Variants in BCOR observed in about 807,000 individuals in gnomAD.
BCOR encodes the protein BCL6 corepressor, also known as BCL-6 corepressor.
BCOR carries 10 observed loss-of-function variants against 86.7 expected under a neutral mutation model. That is an observed-to-expected ratio of 0.12 (90% CI 0.07 to 0.20). The LOEUF (loss-of-function observed/expected upper bound fraction) is 0.20, where lower values mean the gene tolerates loss of function less well. BCOR is among the 10% of genes least tolerant of loss of function. The probability of loss-of-function intolerance (pLI) is 1.00; values close to 1 mark genes in which losing one functional copy is unlikely to be tolerated. For synonymous variants in BCOR, 611 were observed against 609.0 expected, an observed-to-expected ratio of 1.00 and a Z score of -0.05; for missense variants, 1,259 against 1,452.1, an observed-to-expected ratio of 0.87 and a Z score of 2.16.
At chrX:40,174,709 TG>T (rs1375435875) in intron 1 of BCOR, among the ~76,000 whole-genome samples, 2 of 112,380 alleles carry the variant, frequency 1.8e-5, no homozygotes, top group African/African-American at 6.5e-5. Context: ...TCCTGGAAGG[TG>T]GAACGCAAAG....
intron 1 of BCOR, among the ~76,000 whole-genome samples, chrX:40,170,303 C>T (rs1033640018): frequency 2.7e-5 from 3 of 110,899 alleles, no homozygotes; most frequent in Non-Finnish European, 5.7e-5. Flanking sequence ...GGGGATATAG[C>T]CAGGAAGCTA....
At chrX:40,117,261 C>T (rs776099588) in intron 1 of BCOR, among the ~76,000 whole-genome samples, 87 of 111,575 alleles carry the variant, frequency 7.8e-4, no homozygotes, top group African/African-American at 2.5e-3. Flanking sequence ...CTGAAAGCGT[C>T]CCAGGTGTCA....
At chrX:40,110,340 G>A (rs1292310702) in intron 1 of BCOR, among the ~76,000 whole-genome samples, 1 of 111,438 alleles carries the variant, frequency 9.0e-6, no homozygotes, top group Admixed American at 9.5e-5. Flanking sequence ...AGACATTTGA[G>A]TGTCTTTGAT....
At chrX:40,159,090 G>A (rs1938360326) in intron 1 of BCOR, among the ~76,000 whole-genome samples, 1 of 109,859 alleles carries the variant, frequency 9.1e-6, no homozygotes, top group Non-Finnish European at 1.9e-5. Context: ...GGGGGGAGGG[G>A]AGGGTAAAGA....
chrX:40,065,295 G>A (rs1044055632), intron 6 of BCOR, among the ~76,000 whole-genome samples: 4 of 112,498 alleles, frequency 3.6e-5, no homozygotes, highest in Non-Finnish European at 5.6e-5. Flanking sequence ...ACACATACAC[G>A]AGTTCAGAGA....
intron 1 of BCOR, among the ~76,000 whole-genome samples, chrX:40,156,152 G>A (rs901548914): frequency 2.7e-5 from 3 of 112,737 alleles, no homozygotes; most frequent in Non-Finnish European, 5.6e-5. Flanking sequence ...ATTTAATATC[G>A]TGAAATTGAT....
intron 1 of BCOR, among the ~76,000 whole-genome samples, chrX:40,169,949 C>G (rs1301539708): frequency 2.7e-5 from 3 of 112,173 alleles, no homozygotes; most frequent in Non-Finnish European, 5.7e-5. Context: ...GGCCCCTACT[C>G]GCTATCTGCG....
rs755789625 is a variant in BCOR at position 40,074,232 on chromosome X, G to C, written c.1114C>G (p.Leu372Val). The change falls in exon 4 of 15, where the codon CTG becomes GTG. Residue 372 changes from leucine (L) to valine (V), a missense_variant. By Grantham distance (32) the Leu-to-Val change is conservative. Transcript: ENST00000378444. ...ARISTSPSVA[L>V]SKPYMTVSSE... ...CTAACTGTCATGTATGGCTTTGACA[G>C]GGCAACTGAAGGAGAGGTGGAGATC... The C allele has an allele frequency of 8.2e-7, 1 of 1,212,272 alleles. No individual in the cohort carries two copies. The highest frequency in any genetic ancestry group is 1.1e-6 in the Non-Finnish European group (1 of 895,602).
intron 2 of BCOR, chrX:40,076,967 C>A: frequency 3.2e-6 from 1 of 314,977 alleles, no homozygotes; most frequent in Admixed American, 3.6e-5. Context: ...TGTCATCAAC[C>A]ACTTCCGTGT....
intron 1 of BCOR, among the ~76,000 whole-genome samples, chrX:40,158,161 CCAGGTAGGGCTCCGGGCAGGGGGCCTGT>C (rs770019422): frequency 5.7e-4 from 64 of 112,469 alleles, no homozygotes; most frequent in African/African-American, 2.0e-3. Flanking sequence ...CGGGGCCCGT[CCAGGTAGGGCTCCGGGCAGGGGGCCTGT>C]CAGGACGAAG....
chrX:40,086,007 G>A (rs906224786), intron 1 of BCOR, among the ~76,000 whole-genome samples: 10 of 112,211 alleles, frequency 8.9e-5, no homozygotes, highest in African/African-American at 3.2e-4. Context: ...CTGTGGGCAG[G>A]CTTCAGGACG....
intron 1 of BCOR, among the ~76,000 whole-genome samples, chrX:40,115,346 G>T (rs1012604592): frequency 8.9e-6 from 1 of 112,359 alleles, no homozygotes; most frequent in Middle Eastern, 4.6e-3. Context: ...CTCGCCAACT[G>T]CAGTAAGTAT....
intron 9 of BCOR, among the ~76,000 whole-genome samples, 176 bp downstream of exon 9, chrX:40,062,570 T>TA (rs1285661543): frequency 6.4e-5 from 7 of 109,612 alleles, no homozygotes; most frequent in Non-Finnish European, 9.5e-5. Flanking sequence ...ATTTCATTCT[T>TA]ACTAGTTTGA....
intron 1 of BCOR, among the ~76,000 whole-genome samples, chrX:40,169,352 C>A: frequency 8.9e-6 from 1 of 112,016 alleles, no homozygotes; most frequent in Non-Finnish European, 1.9e-5. Flanking sequence ...AACAGGAATT[C>A]GGTGTCCTTC....
intron 6 of BCOR, among the ~76,000 whole-genome samples, chrX:40,068,505 C>T (rs762133021): frequency 1.2e-4 from 13 of 112,537 alleles, no homozygotes; most frequent in East Asian, 2.8e-4. Flanking sequence ...CTCCAGCTCC[C>T]GCTCAGGCAT....
intron 1 of BCOR, among the ~76,000 whole-genome samples, chrX:40,119,215 G>A (rs1355036030): frequency 1.8e-5 from 2 of 109,977 alleles, no homozygotes; most frequent in East Asian, 2.8e-4. Flanking sequence ...ATGCACAATA[G>A]GATTCCATTT....
intron 1 of BCOR, among the ~76,000 whole-genome samples, chrX:40,142,538 A>C (rs1937943434): frequency 9.0e-6 from 1 of 111,524 alleles, no homozygotes; most frequent in Non-Finnish European, 1.9e-5. Flanking sequence ...TGGACTCTTG[A>C]CACATCTGTT....
At chrX:40,078,849 C>A (rs1333473322) in intron 1 of BCOR, among the ~76,000 whole-genome samples, 1 of 107,647 alleles carries the variant, frequency 9.3e-6, no homozygotes, top group Non-Finnish European at 1.9e-5. Context: ...CTCTGCCCAC[C>A]GCCCCCACCC....
intron 1 of BCOR, among the ~76,000 whole-genome samples, chrX:40,085,255 A>G (rs1012332446): frequency 8.9e-6 from 1 of 112,297 alleles, no homozygotes; most frequent in Non-Finnish European, 1.9e-5. Context: ...TGCTTGGGGG[A>G]AAAAAAGCCA....
Sources: gnomAD v4.1 joint callset for allele counts (sites outside exome capture counted in the v4.1 genomes callset) on GRCh38, gnomAD v4.1.1 for gene constraint, MANE v1.5 for transcripts, NCBI Gene and HGNC (gene_info 2026-07-23, HGNC 2026-07-21) for gene names.